Variants in HMBOX1 observed in about 807,000 individuals in gnomAD.
HMBOX1 encodes homeobox-containing protein 1.
HMBOX1 carries 14 observed loss-of-function variants against 54.5 expected under a neutral mutation model. That is an observed-to-expected ratio of 0.26 (90% CI 0.17 to 0.40). HMBOX1 has a LOEUF of 0.40. Among genes scored for constraint, HMBOX1 ranks in the 10% least tolerant of loss-of-function variants. The pLI is 1.00. For missense variants in HMBOX1, 332 were observed against 514.4 expected, an observed-to-expected ratio of 0.65 and a Z score of 3.43; for synonymous variants, 160 against 181.0, an observed-to-expected ratio of 0.88 and a Z score of 0.93.
intron 4 of HMBOX1, among the ~76,000 whole-genome samples, chr8:28,993,547 C>G (rs1479398969): frequency 6.6e-6 from 1 of 152,048 alleles, no homozygotes; most frequent in Non-Finnish European, 1.5e-5. Context: ...TAAAGCAGCT[C>G]TGTATGTCTC....
chr8:29,051,298 A>G lies in HMBOX1; in HGVS notation c.*143A>G, dbSNP rs1168055942. Reference sequence around the variant, plus strand: ...GCTGTTAGGGTCTTGTTCTGTGAAGATGGCATGGTGCCCTCAGCCTTTGCA... The same window carrying G: ...GCTGTTAGGGTCTTGTTCTGTGAAGGTGGCATGGTGCCCTCAGCCTTTGCA... On this transcript the variant is annotated 3_prime_UTR_variant, in exon 10 of 10. Coordinates refer to ENST00000287701, the MANE Select transcript of HMBOX1 (RefSeq NM_001135726.3). 3.6e-6 allele frequency: 3 copies of G among 842,130 alleles called. No homozygotes were observed. Among genetic ancestry groups the G allele is most frequent in the Non-Finnish European group, 5.6e-6 (3 of 540,472 alleles). The allele number at this position is 842,130 out of a possible 1,614,324, so 52.2% of individuals were successfully genotyped here. A position where few individuals can be genotyped will look rare whatever the true frequency, so the allele number is the denominator to read the frequency against.
chr8:28,930,230 C>T (rs1819251176), intron 1 of HMBOX1, among the ~76,000 whole-genome samples: 1 of 152,126 alleles, frequency 6.6e-6, no homozygotes, highest in South Asian at 2.1e-4. Context: ...TTCTGCCATC[C>T]TTCTCCTAGT....
intron 1 of HMBOX1, among the ~76,000 whole-genome samples, chr8:28,896,132 A>G (rs1812061343): frequency 6.6e-6 from 1 of 152,126 alleles, no homozygotes; most frequent in Non-Finnish European, 1.5e-5. Flanking sequence ...CAGCTTCCCC[A>G]TCAATAGACT....
chr8:28,920,945 A>G (rs1817455210), intron 1 of HMBOX1, among the ~76,000 whole-genome samples: 1 of 152,256 alleles, frequency 6.6e-6, no homozygotes, highest in Non-Finnish European at 1.5e-5. Context: ...ACTTTTATGG[A>G]TTCCAGAATG....
At chr8:29,041,819 G>A (rs564940987) in intron 6 of HMBOX1, among the ~76,000 whole-genome samples, 33 of 151,866 alleles carry the variant, frequency 2.2e-4, no homozygotes, top group African/African-American at 7.5e-4. Context: ...GAGGTTGTTT[G>A]CGGGGGGACT....
At chr8:28,892,756 C>T (rs976450109) in intron 1 of HMBOX1, among the ~76,000 whole-genome samples, 1 of 152,048 alleles carries the variant, frequency 6.6e-6, no homozygotes, top group Non-Finnish European at 1.5e-5. Flanking sequence ...AATGTGATTT[C>T]TAAATCTCAG....
chr8:28,995,024 C>A (rs1304413084), intron 4 of HMBOX1, among the ~76,000 whole-genome samples: 1 of 152,028 alleles, frequency 6.6e-6, no homozygotes, highest in African/African-American at 2.4e-5. Flanking sequence ...ATAAGAAAAA[C>A]TAGTGAAGCC....
chr8:28,908,957 G>A (rs555727755), intron 1 of HMBOX1, among the ~76,000 whole-genome samples: 1 of 152,098 alleles, frequency 6.6e-6, no homozygotes, highest in African/African-American at 2.4e-5. Context: ...AAAATTAGCT[G>A]CGTGTAGTGG....
At chr8:29,045,547 C>A in intron 7 of HMBOX1, 104 bp downstream of exon 7, 1 of 867,424 alleles carries the variant, frequency 1.2e-6, no homozygotes, top group Non-Finnish European at 1.9e-6. Flanking sequence ...ATGGTGCTCC[C>A]GGCTCAGTCT....
chr8:28,947,877 TGA>T (rs1430901227), intron 1 of HMBOX1, among the ~76,000 whole-genome samples: 4 of 152,322 alleles, frequency 2.6e-5, no homozygotes, highest in Admixed American at 2.6e-4. Flanking sequence ...ATCTTGATCT[TGA>T]ATGCTTTGTC....
At chr8:28,913,814 G>A (rs905772883) in intron 1 of HMBOX1, among the ~76,000 whole-genome samples, 13 of 148,624 alleles carry the variant, frequency 8.7e-5, no homozygotes, top group Non-Finnish European at 1.6e-4. Flanking sequence ...GTGCAGTGGC[G>A]TGATCTCACT....
chr8:28,957,023 G>A (rs897224351), intron 1 of HMBOX1, among the ~76,000 whole-genome samples: 13 of 152,148 alleles, frequency 8.5e-5, no homozygotes, highest in Admixed American at 6.5e-5. Context: ...AAAGCAATTT[G>A]GAGAGTCCTC....
intron 1 of HMBOX1, chr8:28,891,043 G>C (rs1810806443): frequency 6.5e-6 from 1 of 152,726 alleles, no homozygotes. Context: ...TTTGGGGTGT[G>C]TAAGTGTGTT....
intron 1 of HMBOX1, among the ~76,000 whole-genome samples, chr8:28,892,738 G>GA (rs562292576): frequency 1.3e-4 from 20 of 150,610 alleles, no homozygotes; most frequent in South Asian, 2.1e-4. Context: ...GACCTGAATA[G>GA]AAAAAAAAAT....
At chr8:28,942,252 T>C (rs112056770) in intron 1 of HMBOX1, among the ~76,000 whole-genome samples, 2,347 of 152,312 alleles carry the variant, frequency 0.015, 26 homozygotes, top group Non-Finnish European at 0.023. Flanking sequence ...TCACCCGCTC[T>C]AGGTTCTTGC....
chr8:28,926,989 T>C (rs1818632349), intron 1 of HMBOX1, among the ~76,000 whole-genome samples: 1 of 152,130 alleles, frequency 6.6e-6, no homozygotes, highest in African/African-American at 2.4e-5. Context: ...CTGGAAAGAA[T>C]AGTAGGGGGT....
chr8:28,958,615 A>C (rs1824897230), intron 1 of HMBOX1, among the ~76,000 whole-genome samples: 1 of 152,150 alleles, frequency 6.6e-6, no homozygotes. Context: ...CTGTTATTGG[A>C]TCTCTTCCAC....
chr8:28,902,881 T>G (rs1356305212), intron 1 of HMBOX1, among the ~76,000 whole-genome samples: 1 of 152,222 alleles, frequency 6.6e-6, no homozygotes, highest in Non-Finnish European at 1.5e-5. Context: ...GTGGCAGTTA[T>G]GCAAAATGCA....
At chr8:28,918,224 G>A (rs1360587000) in intron 1 of HMBOX1, among the ~76,000 whole-genome samples, 2 of 152,168 alleles carry the variant, frequency 1.3e-5, no homozygotes, top group East Asian at 1.9e-4. Context: ...TATTTTTTGA[G>A]ATGGACTCTT....
Sources: gnomAD v4.1 joint callset for allele counts (sites outside exome capture counted in the v4.1 genomes callset) on GRCh38, gnomAD v4.1.1 for gene constraint, MANE v1.5 for transcripts, NCBI Gene and HGNC (gene_info 2026-07-23, HGNC 2026-07-21) for gene names.